Variants in HTR7 observed in about 807,000 individuals in gnomAD.
The protein encoded by HTR7 is 5-HT-7.
In HTR7, 16 loss-of-function variants were observed where a neutral mutation model predicts 34.0. The ratio of observed to expected loss-of-function variants is 0.47; its 90% CI spans 0.32 to 0.71. The LOEUF (loss-of-function observed/expected upper bound fraction) is 0.71. HTR7 is among the 30% of genes least tolerant of loss of function. The probability of loss-of-function intolerance (pLI) is 0.04; values close to 1 mark genes in which losing one functional copy is unlikely to be tolerated. For missense variants in HTR7, 504 were observed against 625.5 expected (o/e 0.81, Z 2.07); for synonymous variants, 265 against 260.2 (o/e 1.02, Z -0.18).
At chr10:90,766,799 C>T (rs1845032093) in intron 1 of HTR7, among the ~76,000 whole-genome samples, 1 of 152,190 alleles carries the variant, frequency 6.6e-6, no homozygotes, top group Non-Finnish European at 1.5e-5. Flanking sequence ...TTCCACTGCA[C>T]ATAAAACTCT....
At chr10:90,755,497 A>G (rs1844820748) in intron 1 of HTR7, among the ~76,000 whole-genome samples, 1 of 152,214 alleles carries the variant, frequency 6.6e-6, no homozygotes, top group African/African-American at 2.4e-5. Flanking sequence ...ACTCTCTTCT[A>G]TTCTATTTCA....
chr10:90,850,089 G>A (rs1227858005), intron 1 of HTR7, among the ~76,000 whole-genome samples: 3 of 152,262 alleles, frequency 2.0e-5, no homozygotes. Flanking sequence ...CTTGGAGATA[G>A]AGAGGCAAAA....
intron 1 of HTR7, among the ~76,000 whole-genome samples, chr10:90,807,821 T>C (rs1473363190): frequency 1.3e-5 from 2 of 152,130 alleles, no homozygotes; most frequent in Non-Finnish European, 2.9e-5. Context: ...GTGAAAAAGA[T>C]CCACCTACGA....
rs1846605937 is a variant in HTR7, at chr10:90,857,531, G to T, written c.141C>A (p.His47Gln). 6.2e-7 allele frequency: 1 copy of T among 1,607,568 alleles called. No homozygotes were observed. The highest frequency in any genetic ancestry group is 8.5e-7 in the Non-Finnish European group (1 of 1,177,570). ...ADPVAGSWAP[H>Q]LLSEVTASPA... The stretch of plus-strand genomic sequence containing the variant: ...GGCTGGCTGTCACCTCGCTCAGCAG[G>T]TGCGGCGCCCAGGAGCCCGCGACCG... Residue 47 changes from histidine to glutamine, a missense_variant, in exon 1 of 4, where the codon CAC becomes CAA. Transcript: ENST00000336152. This position sits in a 1 kb window ranked among gnomAD's most constrained non-coding sequence, Gnocchi z 6.5.
At chr10:90,786,086 A>G (rs1845376474) in intron 1 of HTR7, among the ~76,000 whole-genome samples, 1 of 152,212 alleles carries the variant, frequency 6.6e-6, no homozygotes. Context: ...CTCAGCACAT[A>G]TGTCGGGTTT....
At chr10:90,805,658 A>G (rs764197959) in intron 1 of HTR7, among the ~76,000 whole-genome samples, 4 of 152,176 alleles carry the variant, frequency 2.6e-5, no homozygotes, top group Non-Finnish European at 5.9e-5. Flanking sequence ...AGAGATTGAT[A>G]CTCTAAATTA....
At chr10:90,831,916 C>A (rs542144066) in intron 1 of HTR7, among the ~76,000 whole-genome samples, 10 of 152,050 alleles carry the variant, frequency 6.6e-5, no homozygotes. Context: ...AAATGTTCTG[C>A]GAGTCCCCAC....
rs1199728743 is a variant in HTR7 at position 90,833,185 on chromosome 10, T to C, written c.539+23948A>G. On this transcript the variant is annotated intron_variant, in intron 1 of 3. Coordinates refer to ENST00000336152, the MANE Select transcript of HTR7 (RefSeq NM_019859.4). ...TTAGAAATGGATATGAACCAAAGTATACACCAAGGTCAGCCCCTACTCCAC... is the reference window on the plus strand; with the variant it reads ...TTAGAAATGGATATGAACCAAAGTACACACCAAGGTCAGCCCCTACTCCAC... Among the ~76,000 whole-genome samples the C allele has an allele frequency of 6.6e-5, 10 of 152,330 alleles. 1 individual carries two copies. In the East Asian group the frequency reaches 9.6e-4, roughly 15 times the overall value.
chr10:90,770,882 G>T (rs372532234), intron 1 of HTR7, among the ~76,000 whole-genome samples: 1 of 152,300 alleles, frequency 6.6e-6, no homozygotes, highest in African/African-American at 2.4e-5. Flanking sequence ...TGGGGCTCAC[G>T]CTGCCAGTCC....
chr10:90,830,789 GAAA>G (rs770904900), intron 1 of HTR7, among the ~76,000 whole-genome samples: 3 of 83,786 alleles, frequency 3.6e-5, no homozygotes, highest in African/African-American at 1.3e-4. Context: ...CCCTGTCTCA[GAAA>G]AAAAAAAAAA....
chr10:90,772,125 T>C (rs1183682203), intron 1 of HTR7, among the ~76,000 whole-genome samples: 1 of 152,118 alleles, frequency 6.6e-6, no homozygotes, highest in Non-Finnish European at 1.5e-5. Context: ...CAGACAGTAG[T>C]CAAATTTCTA....
chr10:90,810,348 T>C (rs1417377939), intron 1 of HTR7, among the ~76,000 whole-genome samples: 1 of 152,084 alleles, frequency 6.6e-6, no homozygotes, highest in Non-Finnish European at 1.5e-5. Flanking sequence ...CCCTTCTTGG[T>C]GACCGATCAT....
At chr10:90,792,426 A>AT (rs1845472936) in intron 1 of HTR7, among the ~76,000 whole-genome samples, 1 of 151,976 alleles carries the variant, frequency 6.6e-6, no homozygotes, top group Non-Finnish European at 1.5e-5. Flanking sequence ...ATTAATCATA[A>AT]TTCTTGATTT....
intron 1 of HTR7, among the ~76,000 whole-genome samples, chr10:90,781,446 C>T (rs1045947452): frequency 6.6e-6 from 1 of 152,182 alleles, no homozygotes; most frequent in Admixed American, 6.5e-5. Context: ...ACATTCTCCT[C>T]TGGAAACAAC....
intron 1 of HTR7, among the ~76,000 whole-genome samples, chr10:90,757,117 T>C (rs932188537): frequency 1.3e-5 from 2 of 152,180 alleles, no homozygotes; most frequent in Admixed American, 1.3e-4. Flanking sequence ...AAACCTTAGC[T>C]AAAAACTTTT....
chr10:90,842,400 C>T (rs1375278610), intron 1 of HTR7, among the ~76,000 whole-genome samples: 1 of 152,164 alleles, frequency 6.6e-6, no homozygotes, highest in Non-Finnish European at 1.5e-5. Context: ...GTTATAGCAG[C>T]ATGAAGGGGT....
At chr10:90,798,384 G>C (rs1845573386) in intron 1 of HTR7, among the ~76,000 whole-genome samples, 1 of 152,152 alleles carries the variant, frequency 6.6e-6, no homozygotes, top group Non-Finnish European at 1.5e-5. Context: ...CTTGCAGATA[G>C]TCTGGTTAAA....
At chr10:90,819,973 G>T (rs1845953448) in intron 1 of HTR7, among the ~76,000 whole-genome samples, 1 of 151,920 alleles carries the variant, frequency 6.6e-6, no homozygotes, top group African/African-American at 2.4e-5. Context: ...TACTATAATA[G>T]CTTAAATGCT....
At chr10:90,776,715 T>C (rs2119827725) in intron 1 of HTR7, among the ~76,000 whole-genome samples, 1 of 152,332 alleles carries the variant, frequency 6.6e-6, no homozygotes, top group South Asian at 2.1e-4. Context: ...CTTTTTTGAA[T>C]CCTAAGATTC....
Sources: allele counts gnomAD v4.1 joint callset (sites outside exome capture counted in the v4.1 genomes callset), GRCh38; gene constraint gnomAD v4.1.1; non-coding constraint Gnocchi (gnomAD v3.1); transcripts MANE v1.5; gene names NCBI Gene and HGNC (gene_info 2026-07-23, HGNC 2026-07-21).